ATP6V1C1: variants seen among roughly 807,000 people sequenced by gnomAD.
ATP6V1C1 encodes ATPase H+ transporting V1 subunit C1.
In ATP6V1C1, 45 loss-of-function variants were observed where a neutral mutation model predicts 53.9. The observed-to-expected ratio is 0.83, with a 90% CI of 0.66 to 1.07. The LOEUF (loss-of-function observed/expected upper bound fraction) is 1.07. Ranked by LOEUF, ATP6V1C1 falls within the 50% of genes least tolerant of loss-of-function variation. The pLI is 0.00. For missense variants in ATP6V1C1, 315 were observed against 440.3 expected (o/e 0.72, Z 2.55); for synonymous variants, 153 against 155.2 (o/e 0.99, Z 0.11).
intron 8 of ATP6V1C1, among the ~76,000 whole-genome samples, chr8:103,061,767 C>T (rs1292819346): frequency 2.0e-5 from 3 of 152,182 alleles, no homozygotes; most frequent in Non-Finnish European, 4.4e-5. Flanking sequence ...ATGTGAAAGA[C>T]AGAAAGGAGA....
intron 1 of ATP6V1C1, among the ~76,000 whole-genome samples, chr8:103,026,774 G>A (rs2458272): frequency 0.57 from 87,264 of 152,060 alleles, 27,221 homozygotes; most frequent in African/African-American, 0.84. Flanking sequence ...GATCGCGCCA[G>A]TGCACTCCAG....
intron 1 of ATP6V1C1, among the ~76,000 whole-genome samples, chr8:103,032,512 C>A (rs1259110475): frequency 6.6e-6 from 1 of 151,804 alleles, no homozygotes; most frequent in African/African-American, 2.4e-5. Flanking sequence ...TCTTTCTTTC[C>A]TCACTCTGCT....
chr8:103,065,839 T>C (rs573971529), intron 11 of ATP6V1C1, among the ~76,000 whole-genome samples: 291 of 152,142 alleles, frequency 1.9e-3, no homozygotes, highest in African/African-American at 6.6e-3. Flanking sequence ...GTCAAGAGAT[T>C]GAGACCATGC....
rs573081267 is a variant in ATP6V1C1 at position 103,058,820 on chromosome 8, A to G, written c.641+2884A>G. Among the ~76,000 whole-genome samples, 5 of 152,340 alleles carry G rather than the reference A, an allele frequency of 3.3e-5. No homozygotes were observed. In the South Asian group the frequency reaches 8.3e-4, roughly 25 times the overall value. ...TCTACAAAGATTGGACGGTTTTGAA[A>G]TACTACCATTGCTGTGAGGCTAAAT... On this transcript the variant is annotated intron_variant, in intron 8 of 12. Coordinates refer to ENST00000518738, the MANE Select transcript of ATP6V1C1 (RefSeq NM_001695.5).
At position 103,071,877 on chromosome 8, in the gene ATP6V1C1, A is replaced by T. The variant is rs1007565569; in HGVS notation, c.*3130A>T. The T allele has an allele frequency of 6.6e-6, 1 of 152,528 alleles. No individual in the cohort carries two copies. Among genetic ancestry groups the T allele is most frequent in the Non-Finnish European group, 1.5e-5 (1 of 68,282 alleles). The allele number at this position is 152,528 out of a possible 1,614,324, so 9.4% of individuals were successfully genotyped here. On this transcript the variant is annotated 3_prime_UTR_variant, in exon 13 of 13. Coordinates refer to ENST00000518738, the MANE Select transcript of ATP6V1C1 (RefSeq NM_001695.5). ...AGGGATCCTCCCGCCTCAGCCTCCCAAAGTGCTGGTGTTACAGGCATAAGC... is the reference window on the plus strand; with the variant it reads ...AGGGATCCTCCCGCCTCAGCCTCCCTAAGTGCTGGTGTTACAGGCATAAGC...
rs527748895 is a variant in ATP6V1C1, at chr8:103,072,907, G to A, written c.*4160G>A. ...AGGAATGGTCAAGATAATGCAAGAA[G>A]AAAAAAGCTTTCAAACAAATCAGAA... On this transcript the variant is annotated 3_prime_UTR_variant, in exon 13 of 13. Transcript: ENST00000518738. 6.6e-6 allele frequency: 1 copy of A among 152,294 alleles called. No homozygotes were observed. The highest frequency in any genetic ancestry group is 1.9e-4 in the East Asian group (1 of 5,184). 9.4% of individuals were successfully genotyped at this position (152,294 alleles called of 1,614,324 possible). A position where few individuals can be genotyped will look rare whatever the true frequency, so the allele number is the denominator to read the frequency against.
intron 1 of ATP6V1C1, among the ~76,000 whole-genome samples, chr8:103,024,409 T>C (rs1039857566): frequency 6.6e-6 from 1 of 152,198 alleles, no homozygotes; most frequent in East Asian, 1.9e-4. Flanking sequence ...TTTCCACAAC[T>C]CACGAGATAA....
intron 8 of ATP6V1C1, among the ~76,000 whole-genome samples, chr8:103,058,433 G>T (rs562436975): frequency 6.6e-6 from 1 of 152,320 alleles, no homozygotes; most frequent in Non-Finnish European, 1.5e-5. Context: ...TCATGTAGGG[G>T]CAAATAGGCT....
chr8:103,044,597 C>T (rs577607385), intron 3 of ATP6V1C1, among the ~76,000 whole-genome samples: 2 of 151,970 alleles, frequency 1.3e-5, no homozygotes, highest in South Asian at 2.1e-4. Context: ...ATGTTTCTCT[C>T]CTATGCCAGT....
At chr8:103,055,293 C>T (rs760680143) in intron 7 of ATP6V1C1, among the ~76,000 whole-genome samples, 7 of 152,110 alleles carry the variant, frequency 4.6e-5, no homozygotes, top group African/African-American at 1.7e-4. Context: ...ATTCTCTATT[C>T]TGGCCTATAC....
In ATP6V1C1 at chr8:103,055,955, A is replaced by G; in HGVS notation, c.641+19A>G. 1 of 1,605,378 alleles carries G rather than the reference A, an allele frequency of 6.2e-7. No homozygotes were observed. The highest frequency in any genetic ancestry group is 8.5e-7 in the Non-Finnish European group (1 of 1,173,154). On this transcript the variant is annotated intron_variant, in intron 8 of 12. Transcript: ENST00000518738. Reference sequence around the variant, plus strand: ...CTAGCAAGTAAGTAGAAGTCTTTGTAAAACCATTTGTTTCCTAGAATTCCT... The same window carrying G: ...CTAGCAAGTAAGTAGAAGTCTTTGTGAAACCATTTGTTTCCTAGAATTCCT...
In ATP6V1C1 at chr8:103,068,675, A is replaced by T. The variant is rs1326768179; in HGVS notation, c.1077A>T (p.Leu359Phe). 4 of 1,610,322 alleles carry T rather than the reference A, an allele frequency of 2.5e-6. No homozygotes were observed. Among genetic ancestry groups the T allele is most frequent in the Non-Finnish European group, 3.4e-6 (4 of 1,178,456 alleles). Residue 359 changes from leucine to phenylalanine, a missense_variant, in exon 13 of 13, where the codon TTA (leucine) becomes TTT (phenylalanine). By Grantham distance (22) the Leu-to-Phe change is conservative. Transcript: ENST00000518738. ...AGGCTCCTATGGATATTCCAGGTTT[A>T]AACCTGAGTCAACAAGAATACTACC... The part of the protein sequence containing the change: ...IIDAPMDIPG[L>F]NLSQQEYYPY...
chr8:103,027,117 A>G (rs991151920), intron 1 of ATP6V1C1, among the ~76,000 whole-genome samples: 12 of 152,198 alleles, frequency 7.9e-5, no homozygotes, highest in African/African-American at 2.7e-4. Context: ...GCACAGATCA[A>G]TTCTGTTAAA....
intron 11 of ATP6V1C1, 102 bp downstream of exon 11, chr8:103,064,913 G>A (rs185652171): frequency 2.1e-5 from 22 of 1,044,278 alleles, no homozygotes; most frequent in Middle Eastern, 4.2e-4. Context: ...AATTGATTTG[G>A]AGAAATCAAA....
At chr8:103,024,575 A>G (rs1366386292) in intron 1 of ATP6V1C1, among the ~76,000 whole-genome samples, 2 of 152,230 alleles carry the variant, frequency 1.3e-5, no homozygotes, top group South Asian at 2.1e-4. Flanking sequence ...TTGCTCTTGT[A>G]CATATTTAAA....
At chr8:103,026,616 C>CA (rs1471156959) in intron 1 of ATP6V1C1, among the ~76,000 whole-genome samples, 1 of 152,148 alleles carries the variant, frequency 6.6e-6, no homozygotes, top group African/African-American at 2.4e-5. Context: ...AGTTCAAGAC[C>CA]AGCCTGGCCA....
At chr8:103,022,204 A>G (rs1393464410) in intron 1 of ATP6V1C1, among the ~76,000 whole-genome samples, 1 of 152,206 alleles carries the variant, frequency 6.6e-6, no homozygotes, top group African/African-American at 2.4e-5. Context: ...GAGTCTTGGC[A>G]AGCCCTCAGG....
intron 1 of ATP6V1C1, among the ~76,000 whole-genome samples, chr8:103,031,587 G>A (rs186425894): frequency 1.3e-5 from 2 of 152,224 alleles, no homozygotes; most frequent in Admixed American, 6.5e-5. Context: ...TCAAGGTAAC[G>A]TTACTACAGG....
chr8:103,065,873 C>T (rs1563610777), intron 11 of ATP6V1C1, among the ~76,000 whole-genome samples: 1 of 152,044 alleles, frequency 6.6e-6, no homozygotes, highest in Admixed American at 6.6e-5. Context: ...GAAACCCCGT[C>T]TCTACTAAAA....
Sources: allele counts gnomAD v4.1 joint callset (sites outside exome capture counted in the v4.1 genomes callset), GRCh38; gene constraint gnomAD v4.1.1; transcripts MANE v1.5; gene names NCBI Gene and HGNC (gene_info 2026-07-23, HGNC 2026-07-21).